CLIC5: variants seen among roughly 807,000 people sequenced by gnomAD.
CLIC5 encodes chloride intracellular channel protein 5.
Under a neutral mutation model 24.7 loss-of-function variants are expected in CLIC5, and 20 were observed. That is an observed-to-expected ratio of 0.81 (90% CI 0.57 to 1.18). The LOEUF (loss-of-function observed/expected upper bound fraction) is 1.18. CLIC5 is among the 50% of genes most tolerant of loss of function. The pLI, the probability that CLIC5 is intolerant of heterozygous loss-of-function variation, is 0.00. For synonymous variants in CLIC5, 159 were observed against 135.6 expected (o/e 1.17, Z -1.20); for missense variants, 341 against 326.1 (o/e 1.05, Z -0.35).
chr6:46,093,140 C>G, the CLIC5 span, among the ~76,000 whole-genome samples: 3 of 152,110 alleles, frequency 2.0e-5, no homozygotes, highest in Non-Finnish European at 4.4e-5. Context: ...CCCATCTGTT[C>G]TCTCCATCTC....
the CLIC5 span, among the ~76,000 whole-genome samples, chr6:46,104,326 G>T: frequency 2.0e-5 from 3 of 152,046 alleles, no homozygotes; most frequent in Non-Finnish European, 4.4e-5. Context: ...CCATCTGGGG[G>T]GCATGATCTT....
At chr6:46,019,775 T>C (rs897773170), upstream of CLIC5, among the ~76,000 whole-genome samples, 5 of 149,402 alleles carry the variant, frequency 3.3e-5, no homozygotes, top group African/African-American at 4.9e-5. Context: ...AATGTAAGTC[T>C]ATTAGACAAA....
At chr6:45,958,705 A>G (rs1295741556) in intron 1 of CLIC5, among the ~76,000 whole-genome samples, 1 of 151,692 alleles carries the variant, frequency 6.6e-6, no homozygotes, top group Non-Finnish European at 1.5e-5. Context: ...ACTTCATATT[A>G]TATGCTATTA....
chr6:46,127,994 T>C, the CLIC5 span, among the ~76,000 whole-genome samples: 2 of 152,188 alleles, frequency 1.3e-5, no homozygotes, highest in African/African-American at 4.8e-5. Context: ...ACTGAGTACA[T>C]TATGAAATCG....
the CLIC5 span, among the ~76,000 whole-genome samples, chr6:46,106,520 T>C: frequency 1.3e-5 from 2 of 152,230 alleles, no homozygotes; most frequent in African/African-American, 4.8e-5. Flanking sequence ...CCCAATTTGT[T>C]AATGAGCTTT....
intron 1 of CLIC5, among the ~76,000 whole-genome samples, chr6:45,958,532 G>A (rs552841352): frequency 1.4e-5 from 2 of 143,824 alleles, no homozygotes; most frequent in Non-Finnish European, 3.0e-5. Flanking sequence ...ATGATTGCCA[G>A]CTATAATCCT....
intron 6 of CLIC5, among the ~76,000 whole-genome samples, chr6:45,886,698 G>T (rs1490600043): frequency 6.6e-6 from 1 of 152,170 alleles, no homozygotes; most frequent in Non-Finnish European, 1.5e-5. Flanking sequence ...TTGAAAATGG[G>T]TATCTTCTGC....
rs766292081 is a variant in CLIC5 at position 45,955,220 on chromosome 6, C to T, written c.88G>A (p.Gly30Ser). ...VKAGIDGESIGNCPFSQRLFM... is the reference protein window; with the variant it reads ...VKAGIDGESISNCPFSQRLFM... Reference sequence around the variant, plus strand: ...AGGCGCTGAGAGAAAGGACAGTTGCCGATGCTTTCTCCATCGATTCCAGCC... The same window carrying T: ...AGGCGCTGAGAGAAAGGACAGTTGCTGATGCTTTCTCCATCGATTCCAGCC... The change falls in exon 2 of 6, where the codon GGC becomes AGC. Residue 30 changes from glycine to serine, a missense_variant. Coordinates refer to ENST00000339561, the MANE Select transcript of CLIC5 (RefSeq NM_016929.5). The T allele has an allele frequency of 1.2e-5, 19 of 1,613,718 alleles. No individual in the cohort carries two copies. The highest frequency in any genetic ancestry group is 1.6e-4 in the Middle Eastern group (1 of 6,076).
At chr6:45,993,688 C>T (rs189881742) in intron 1 of CLIC5, among the ~76,000 whole-genome samples, 5 of 152,326 alleles carry the variant, frequency 3.3e-5, no homozygotes, top group Non-Finnish European at 7.3e-5. Flanking sequence ...GTACTGACCA[C>T]TTTCACCTTT....
intron 5 of CLIC5, among the ~76,000 whole-genome samples, chr6:45,909,040 CTT>C (rs60050419): frequency 6.6e-5 from 9 of 136,630 alleles, no homozygotes; most frequent in African/African-American, 1.3e-4. Context: ...CTTCTTTGTT[CTT>C]TTTTTTTTTT....
At position 46,039,606 on chromosome 6, in the gene CLIC5, A is replaced by G. The variant is rs547934387; in HGVS notation, c.540+40097T>C. Among the ~76,000 whole-genome samples, 10 of 152,250 alleles carry G rather than the reference A, an allele frequency of 6.6e-5. No individual in the cohort carries two copies. In the East Asian group the frequency reaches 1.2e-3, roughly 18 times the overall value. Reference sequence around the variant, plus strand: ...AATTAAAGAAGAAAAAACATTTCTGATTTGCTGAGATATAATTATAAATAA... The same window carrying G: ...AATTAAAGAAGAAAAAACATTTCTGGTTTGCTGAGATATAATTATAAATAA... On this transcript the variant is annotated intron_variant, in intron 1 of 5. Transcript: ENST00000185206.
intron 1 of CLIC5, among the ~76,000 whole-genome samples, chr6:45,997,108 T>C (rs1393664681): frequency 1.3e-5 from 2 of 151,314 alleles, no homozygotes; most frequent in East Asian, 1.9e-4. Context: ...CCAAGCCAAA[T>C]GTCCAACAAT....
chr6:45,970,145 C>T (rs1448842419), intron 1 of CLIC5, among the ~76,000 whole-genome samples: 1 of 152,156 alleles, frequency 6.6e-6, no homozygotes, highest in Non-Finnish European at 1.5e-5. Context: ...TGCCACTGTG[C>T]AACAGGGAAA....
rs1762455775 is a variant in CLIC5 at position 45,899,487 on chromosome 6, G to T, written c.*3601C>A. The T allele has an allele frequency of 6.6e-6, 1 of 152,200 alleles. No homozygotes were observed. Among genetic ancestry groups the T allele is most frequent in the African/African-American group, 2.4e-5 (1 of 41,448 alleles). 9.4% of individuals were successfully genotyped at this position (152,200 alleles called of 1,614,324 possible). ...CTGCTTCTAGTTTAATTTAATTTTA[G>T]ACACACACTCTCACAGTGATGCTAA... is the stretch of plus-strand genomic sequence containing the variant. On this transcript the variant is annotated 3_prime_UTR_variant, in exon 6 of 6. Transcript: ENST00000339561.
chr6:45,896,106 A>G (rs1762390936), downstream of CLIC5, among the ~76,000 whole-genome samples: 2 of 152,192 alleles, frequency 1.3e-5, no homozygotes, highest in African/African-American at 4.8e-5. Flanking sequence ...TTGCACGTGG[A>G]TGTAGATTTC....
In CLIC5 at chr6:45,950,358, C is replaced by T. The variant is rs1331600785; in HGVS notation, c.174-977G>A. ...GGAGGATCACTTGAGCCCAGGAGTT[C>T]GAGACCAGCCTGGGCAACATAGCAA... On this transcript the variant is annotated intron_variant, in intron 2 of 5. Coordinates refer to ENST00000339561, the MANE Select transcript of CLIC5 (RefSeq NM_016929.5). Among the ~76,000 whole-genome samples the T allele has an allele frequency of 9.3e-5, 14 of 151,000 alleles. 1 individual carries two copies. The South Asian group carries it at 2.1e-3, about 23-fold the overall frequency.
chr6:46,018,067 T>C (rs1767071231), upstream of CLIC5, among the ~76,000 whole-genome samples: 1 of 152,164 alleles, frequency 6.6e-6, no homozygotes, highest in Non-Finnish European at 1.5e-5. Flanking sequence ...AATGACTACA[T>C]ACTTTAGGGA....
At chr6:46,030,064 A>G (rs1266710024) in intron 1 of CLIC5, among the ~76,000 whole-genome samples, 2 of 152,060 alleles carry the variant, frequency 1.3e-5, no homozygotes, top group South Asian at 2.1e-4. Flanking sequence ...TTCATTCTCC[A>G]ATTTTAACTT....
chr6:45,904,345 A>T (rs1762590879), intron 5 of CLIC5, among the ~76,000 whole-genome samples: 1 of 151,844 alleles, frequency 6.6e-6, no homozygotes, highest in African/African-American at 2.4e-5. Flanking sequence ...ATTTGCATGC[A>T]TTTTCTTAAT....
Sources: gnomAD v4.1 joint callset for allele counts (sites outside exome capture counted in the v4.1 genomes callset) on GRCh38, gnomAD v4.1.1 for gene constraint, MANE v1.5 for transcripts, NCBI Gene and HGNC (gene_info 2026-07-23, HGNC 2026-07-21) for gene names.